WDR73: variants seen among roughly 807,000 people sequenced by gnomAD.
The protein encoded by WDR73 is integrator complex assembly factor WDR73.
WDR73 carries 30 observed loss-of-function variants against 38.2 expected under a neutral mutation model. That is an observed-to-expected ratio of 0.79 (90% CI 0.59 to 1.06). WDR73 has a LOEUF of 1.06. Among genes scored for constraint, WDR73 ranks in the 50% least tolerant of loss-of-function variants. The probability of loss-of-function intolerance (pLI) is 0.00; values close to 1 mark genes in which losing one functional copy is unlikely to be tolerated. For synonymous variants in WDR73, 197 were observed against 176.0 expected (o/e 1.12, Z -0.94); for missense variants, 487 against 467.0 (o/e 1.04, Z -0.40).
At chr15:84,651,926 G>A (rs148596425) in intron 3 of WDR73, among the ~76,000 whole-genome samples, 19 of 152,158 alleles carry the variant, frequency 1.2e-4, no homozygotes, top group Admixed American at 5.9e-4. Context: ...GGAGTGCAGT[G>A]GCACGATCTC....
At chr15:84,645,953 T>A (rs1896441873) in intron 6 of WDR73, 117 bp from the exon 7 acceptor site, 3 of 1,557,550 alleles carry the variant, frequency 1.9e-6, no homozygotes, top group Admixed American at 1.9e-5. Flanking sequence ...AAATCACATC[T>A]CCCTTCCCAC....
chr15:84,645,450 C>T (rs767611193), intron 7 of WDR73, 21 bp downstream of exon 7: 52 of 1,609,952 alleles, frequency 3.2e-5, no homozygotes, highest in East Asian at 2.9e-4. Flanking sequence ...GATAACAAGA[C>T]GAAATCCTGC....
At position 84,651,736 on chromosome 15, in the gene WDR73, T is replaced by G. The variant is rs1896630993; in HGVS notation, c.198+978A>C. 3.3e-5 allele frequency among the ~76,000 whole-genome samples: 5 copies of G among 152,326 alleles called. No homozygotes were observed. In the South Asian group the frequency reaches 1.0e-3, roughly 32 times the overall value. On this transcript the variant is annotated intron_variant, in intron 3 of 7. Coordinates refer to ENST00000434634, the MANE Select transcript of WDR73 (RefSeq NM_032856.5). Reference sequence around the variant, plus strand: ...CTAGTTGCTGCTTTAGCTTCTTCCCTCCCTACATTTCGTGACTCTGCTTCC... The same window carrying G: ...CTAGTTGCTGCTTTAGCTTCTTCCCGCCCTACATTTCGTGACTCTGCTTCC...
chr15:84,647,595 C>A, intron 5 of WDR73: 1 of 357,146 alleles, frequency 2.8e-6, no homozygotes. Flanking sequence ...CTCCCAGGTT[C>A]AAGCAATTCT....
At chr15:84,644,040 G>A (rs1195495919) in intron 7 of WDR73, 15 of 286,118 alleles carry the variant, frequency 5.2e-5, no homozygotes, top group Non-Finnish European at 6.6e-6. Context: ...CGTGGGGCAT[G>A]TAACCATGAG....
chr15:84,654,264 C>T lies in WDR73; in HGVS notation c.11G>A (p.Gly4Glu), dbSNP rs780681755. Reference protein sequence around the residue: MDPGDDWLVESLRL... With the variant: MDPEDDWLVESLRL... ...CAAGGATTCCACCAGCCAGTCGTCC[C>T]CAGGATCCATGGCAACGACCGCTTC... The change falls in exon 1 of 8, where the codon GGG becomes GAG. Residue 4 changes from glycine (G) to glutamate (E), a missense_variant. Transcript: ENST00000434634. 12 of 1,613,854 alleles carry T rather than the reference C, an allele frequency of 7.4e-6. No homozygotes were observed. In the South Asian group the frequency reaches 9.9e-5, roughly 13 times the overall value.
In WDR73 at chr15:84,647,887, C is replaced by T. The variant is rs1420101970; in HGVS notation, c.352+3G>A. ...CAAACCCCATCAAGTCAAATTCACT[C>T]ACCACTGTCCTCTGCAACCTGCCAC... On this transcript the variant is annotated splice_donor_region_variant and intron_variant, in intron 5 of 7. Coordinates refer to ENST00000434634, the MANE Select transcript of WDR73 (RefSeq NM_032856.5). 1 of 1,613,968 alleles carries T rather than the reference C, an allele frequency of 6.2e-7. No individual in the cohort carries two copies.
chr15:84,649,189 T>C (rs1218349310), intron 3 of WDR73, among the ~76,000 whole-genome samples: 2 of 152,210 alleles, frequency 1.3e-5, no homozygotes, highest in African/African-American at 2.4e-5. Context: ...AGTTGTGAAT[T>C]TGAACCAAAG....
chr15:84,644,979 C>T (rs1460749540), intron 7 of WDR73: 5 of 151,530 alleles, frequency 3.3e-5, no homozygotes, highest in Admixed American at 2.6e-4. Context: ...TTGAGACAGT[C>T]TCGCTCTGTT....
Position 84,643,636 on chromosome 15 carries a change from A to G in WDR73, c.971T>C (p.Leu324Pro). Reference sequence around the variant, plus strand: ...GAAGATGTGACCTCTGTGAGTGAAGAGAGGTTCTACTTGGCTCCGTGTTCC... The same window carrying G: ...GAAGATGTGACCTCTGTGAGTGAAGGGAGGTTCTACTTGGCTCCGTGTTCC... ...QDGTRSQVEP[L>P]FTHRGHIFLD... Residue 324 changes from leucine to proline, a missense_variant, in exon 8 of 8, where the codon CTC (leucine) becomes CCC (proline). Transcript: ENST00000434634. 3 of 1,612,564 alleles carry G rather than the reference A, an allele frequency of 1.9e-6. No homozygotes were observed. The highest frequency in any genetic ancestry group is 2.5e-6 in the Non-Finnish European group (3 of 1,179,302).
At chr15:84,654,138 C>T in intron 1 of WDR73, 96 bp downstream of exon 1, 2 of 1,547,240 alleles carry the variant, frequency 1.3e-6, no homozygotes, top group Non-Finnish European at 1.8e-6. Flanking sequence ...CTGGCCCACT[C>T]TGCACCAGGA....
chr15:84,652,319 G>C (rs1019611734), intron 3 of WDR73, among the ~76,000 whole-genome samples: 7 of 152,006 alleles, frequency 4.6e-5, no homozygotes, highest in Non-Finnish European at 1.0e-4. Context: ...TCTTTGGGGA[G>C]GGGGGGTGCA....
chr15:84,646,863 A>G (rs1309542744), intron 5 of WDR73: 1 of 154,684 alleles, frequency 6.5e-6, no homozygotes, highest in Non-Finnish European at 1.4e-5. Flanking sequence ...ACTGAATGGA[A>G]CATCCTTGGC....
At chr15:84,645,412 C>A (rs1231413529) in intron 7 of WDR73, 59 bp downstream of exon 7, 1 of 1,599,160 alleles carries the variant, frequency 6.3e-7, no homozygotes. Flanking sequence ...TCCTGAGCAC[C>A]CAACAGTCTC....
At chr15:84,648,488 C>T (rs372769347) in intron 4 of WDR73, 49 bp downstream of exon 4, 301 of 1,397,344 alleles carry the variant, frequency 2.2e-4, no homozygotes, top group Middle Eastern at 1.3e-3. Flanking sequence ...CATTTGCAGC[C>T]ATCCCATCCC....
At chr15:84,645,367 C>T in intron 7 of WDR73, 104 bp downstream of exon 7, 1 of 1,555,546 alleles carries the variant, frequency 6.4e-7, no homozygotes. Flanking sequence ...ACTTTAACTC[C>T]TGGAGCCAGG....
In WDR73 at chr15:84,645,720, A is replaced by T; in HGVS notation, c.634T>A (p.Leu212Met). The change falls in exon 7 of 8, where the codon TTG (leucine) becomes ATG (methionine). Residue 212 changes from leucine to methionine, a missense_variant. By Grantham distance (15) the Leu-to-Met change is conservative. Coordinates refer to ENST00000434634, the MANE Select transcript of WDR73 (RefSeq NM_032856.5). ...LVDTRQKWAP[L>M]ENRSPGPGSG... is the part of the protein sequence containing the mutation. The stretch of plus-strand genomic sequence containing the variant: ...CCAGGGCCAGGGCTGCGATTCTCCA[A>T]CGGTGCCCACTTCTGCCGGGTGTCA... 6.2e-7 allele frequency: 1 copy of T among 1,610,244 alleles called. No individual in the cohort carries two copies. The highest frequency in any genetic ancestry group is 1.1e-5 in the South Asian group (1 of 90,428).
intron 7 of WDR73, 26 bp downstream of exon 7, chr15:84,645,445 C>G: frequency 6.2e-7 from 1 of 1,609,628 alleles, no homozygotes; most frequent in South Asian, 1.1e-5. Context: ...GATCAGATAA[C>G]AAGACGAAAT....
chr15:84,652,805 G>T lies in WDR73; in HGVS notation c.110-3C>A, dbSNP rs747669155. 5 of 1,511,560 alleles carry T rather than the reference G, an allele frequency of 3.3e-6. No homozygotes were observed. Among genetic ancestry groups the T allele is most frequent in the Non-Finnish European group, 4.4e-6 (5 of 1,128,672 alleles). The allele number at this position is 1,511,560 out of a possible 1,614,324, so 93.6% of individuals were successfully genotyped here. ...TTCATAGCCAGCAACAAAGACTCCT[G>T]GAAAAAGAAGCAGAGGTAGCTGTCA... On this transcript the variant is annotated splice_polypyrimidine_tract_variant and splice_region_variant and intron_variant, in intron 2 of 7. Transcript: ENST00000434634.
Sources: gnomAD v4.1 joint callset for allele counts (sites outside exome capture counted in the v4.1 genomes callset) on GRCh38, gnomAD v4.1.1 for gene constraint, MANE v1.5 for transcripts, NCBI Gene and HGNC (gene_info 2026-07-23, HGNC 2026-07-21) for gene names.